ITGA9: variants seen among roughly 807,000 people sequenced by gnomAD.
ITGA9 encodes integrin subunit alpha 9.
ITGA9 carries 56 observed loss-of-function variants against 127.8 expected under a neutral mutation model. The ratio of observed to expected loss-of-function variants is 0.44; its 90% CI spans 0.35 to 0.55. The LOEUF is 0.55. ITGA9 is among the 20% of genes least tolerant of loss of function. The pLI, the probability that ITGA9 is intolerant of heterozygous loss-of-function variation, is 0.00. For synonymous variants in ITGA9, 508 were observed against 514.5 expected, an observed-to-expected ratio of 0.99 and a Z score of 0.17; for missense variants, 1,196 against 1,347.1, an observed-to-expected ratio of 0.89 and a Z score of 1.76.
chr3:37,587,747 G>T (rs1699772336), intron 15 of ITGA9, among the ~76,000 whole-genome samples: 1 of 152,222 alleles, frequency 6.6e-6, no homozygotes, highest in Admixed American at 6.5e-5. Context: ...AAGCAGTTTT[G>T]TGATGTAGGA....
rs114773998 is a variant in ITGA9, at chr3:37,642,999, G to A, written c.1840-10715G>A. Reference sequence around the variant, plus strand: ...TTTATTTTCATTATTATATTTAAACGTCTCTGCAGAAGGAATGGAAGGCTA... The same window carrying A: ...TTTATTTTCATTATTATATTTAAACATCTCTGCAGAAGGAATGGAAGGCTA... On this transcript the variant is annotated intron_variant, in intron 16 of 27. Coordinates refer to ENST00000264741, the MANE Select transcript of ITGA9 (RefSeq NM_002207.3). Among the ~76,000 whole-genome samples the A allele has an allele frequency of 7.5e-3, 1,139 of 152,264 alleles. 14 individuals carry two copies. Among genetic ancestry groups the A allele is most frequent in the African/African-American group, 0.025 (1,052 of 41,554 alleles).
intron 27 of ITGA9, among the ~76,000 whole-genome samples, chr3:37,811,477 T>TG (rs200640920): frequency 2.0e-5 from 3 of 152,188 alleles, no homozygotes; most frequent in South Asian, 4.1e-4. Flanking sequence ...ATGAAGATGA[T>TG]GGGGTGTTTC....
intron 8 of ITGA9, among the ~76,000 whole-genome samples, chr3:37,510,394 C>G (rs978935860): frequency 7.9e-5 from 12 of 152,180 alleles, no homozygotes; most frequent in Admixed American, 2.6e-4. Flanking sequence ...CTTCCCTGCC[C>G]TACTCCTTAC....
chr3:37,753,273 G>A (rs1696611649), intron 23 of ITGA9, among the ~76,000 whole-genome samples: 1 of 152,180 alleles, frequency 6.6e-6, no homozygotes, highest in South Asian at 2.1e-4. Flanking sequence ...CAGGCTCCAA[G>A]GAGAGGAATA....
At position 37,533,466 on chromosome 3, in the gene ITGA9, T is replaced by C. The variant is rs761820452; in HGVS notation, c.1526T>C (p.Ile509Thr). 3.7e-6 allele frequency: 6 copies of C among 1,613,944 alleles called. No individual in the cohort carries two copies. The highest frequency in any genetic ancestry group is 5.1e-6 in the Non-Finnish European group (6 of 1,180,018). Residue 509 changes from isoleucine (I) to threonine (T), a missense_variant and splice_region_variant, in exon 14 of 28, where the codon ATT becomes ACT. Physicochemically the swap from Ile to Thr is moderately conservative, Grantham distance 89. Transcript: ENST00000264741. ...SFHGKHVPGE[I>T]GLNYVLMADV... ...CATGGCAAACACGTTCCAGGAGAGA[T>C]TGGTAATGAGCCACCAAGTCAGGGC...
At chr3:37,777,318 C>T in intron 23 of ITGA9, 74 bp from the exon 24 acceptor site, 1 of 1,564,752 alleles carries the variant, frequency 6.4e-7, no homozygotes, top group Non-Finnish European at 8.8e-7. Flanking sequence ...ACTCCTGCCT[C>T]TACAATAAGA....
At chr3:37,510,139 C>A (rs1299148832) in intron 8 of ITGA9, among the ~76,000 whole-genome samples, 2 of 151,212 alleles carry the variant, frequency 1.3e-5, no homozygotes, top group African/African-American at 4.9e-5. Flanking sequence ...GTAGCTCGGA[C>A]CACAGACATG....
chr3:37,728,849 A>C (rs1696249807), intron 18 of ITGA9, among the ~76,000 whole-genome samples: 1 of 151,750 alleles, frequency 6.6e-6, no homozygotes, highest in African/African-American at 2.4e-5. Context: ...TTATTGGGGC[A>C]AGAGGAGCGA....
chr3:37,464,276 G>GT (rs34372799), intron 1 of ITGA9, among the ~76,000 whole-genome samples: 59,662 of 140,598 alleles, frequency 0.42, 12,856 homozygotes, highest in Non-Finnish European at 0.5. Context: ...ATTTGTCAGG[G>GT]TTTTTTTTTT....
chr3:37,657,545 A>G (rs1340536818), intron 17 of ITGA9, among the ~76,000 whole-genome samples: 1 of 148,438 alleles, frequency 6.7e-6, no homozygotes, highest in Non-Finnish European at 1.5e-5. Context: ...TATCCCCTTT[A>G]TCATTTTTTG....
At position 37,724,102 on chromosome 3, in the gene ITGA9, G is replaced by A. The variant is rs543751215; in HGVS notation, c.2068-8610G>A. The stretch of plus-strand genomic sequence containing the variant: ...CAGAGCCTGTGTAGCTGGAAGCCTC[G>A]GGCTCACATCAAGGAAGGGAATGCC... On this transcript the variant is annotated intron_variant, in intron 18 of 27. Transcript: ENST00000264741. Among the ~76,000 whole-genome samples the A allele has an allele frequency of 3.0e-4, 45 of 152,204 alleles. No individual in the cohort carries two copies. The South Asian group carries it at 5.0e-3, about 17-fold the overall frequency.
At chr3:37,692,511 G>A (rs1306193435) in intron 18 of ITGA9, among the ~76,000 whole-genome samples, 4 of 151,710 alleles carry the variant, frequency 2.6e-5, no homozygotes, top group Admixed American at 2.0e-4. Flanking sequence ...TGAGTTGCTT[G>A]TACTTAAGAA....
intron 11 of ITGA9, among the ~76,000 whole-genome samples, chr3:37,519,944 C>T (rs1287906225): frequency 3.9e-5 from 6 of 152,230 alleles, no homozygotes; most frequent in African/African-American, 1.2e-4. Context: ...GAAGCATTGT[C>T]AGGATATTTG....
At chr3:37,761,175 G>A (rs1280410837) in intron 23 of ITGA9, among the ~76,000 whole-genome samples, 1 of 152,064 alleles carries the variant, frequency 6.6e-6, no homozygotes, top group Non-Finnish European at 1.5e-5. Flanking sequence ...TTAAAATGAG[G>A]TTTTTCTCCT....
chr3:37,525,232 A>G (rs923354956), intron 12 of ITGA9, among the ~76,000 whole-genome samples: 1 of 152,182 alleles, frequency 6.6e-6, no homozygotes, highest in Non-Finnish European at 1.5e-5. Flanking sequence ...TACCAGTTAA[A>G]CCAGGGTCTT....
chr3:37,593,521 A>G (rs543304352), intron 15 of ITGA9, among the ~76,000 whole-genome samples: 1 of 152,330 alleles, frequency 6.6e-6, no homozygotes, highest in South Asian at 2.1e-4. Flanking sequence ...TTCCTGGCTT[A>G]GAGACGGCCA....
intron 2 of ITGA9, among the ~76,000 whole-genome samples, chr3:37,471,543 T>A (rs1037208229): frequency 2.6e-5 from 4 of 151,968 alleles, no homozygotes; most frequent in African/African-American, 9.7e-5. Context: ...GAGGTGCCAT[T>A]TGGAAGCACA....
At chr3:37,677,942 G>C in intron 17 of ITGA9, among the ~76,000 whole-genome samples, 1 of 152,236 alleles carries the variant, frequency 6.6e-6, no homozygotes, top group East Asian at 1.9e-4. Context: ...CTGAGGGCAT[G>C]CTGCCCCTAG....
chr3:37,653,950 A>C (rs1429822443), intron 17 of ITGA9, among the ~76,000 whole-genome samples, 160 bp downstream of exon 17: 1 of 152,158 alleles, frequency 6.6e-6, no homozygotes. Context: ...TTACAAAATA[A>C]TTATAACAAA....
Sources: gnomAD v4.1 joint callset for allele counts (sites outside exome capture counted in the v4.1 genomes callset) on GRCh38, gnomAD v4.1.1 for gene constraint, MANE v1.5 for transcripts, NCBI Gene and HGNC (gene_info 2026-07-23, HGNC 2026-07-21) for gene names.